SUGCT: variants seen among roughly 807,000 people sequenced by gnomAD.
The protein encoded by SUGCT is succinyl-CoA:glutarate-CoA transferase.
Under a neutral mutation model 55.0 loss-of-function variants are expected in SUGCT, and 41 were observed. The observed-to-expected ratio is 0.74, with a 90% CI of 0.58 to 0.97. The LOEUF (loss-of-function observed/expected upper bound fraction) is 0.97. Ranked by LOEUF, SUGCT falls within the 50% of genes least tolerant of loss-of-function variation. SUGCT has a pLI of 0.00. For synonymous variants in SUGCT, 187 were observed against 200.4 expected, an observed-to-expected ratio of 0.93 and a Z score of 0.56; for missense variants, 568 against 547.8, an observed-to-expected ratio of 1.04 and a Z score of -0.37.
intron 7 of SUGCT, among the ~76,000 whole-genome samples, chr7:40,252,669 A>G (rs939658546): frequency 4.6e-5 from 7 of 151,984 alleles, no homozygotes; most frequent in Non-Finnish European, 1.0e-4. Flanking sequence ...ATTTTTTGAA[A>G]TAGGGTCTTG....
At chr7:40,351,574 G>T (rs1797635130) in intron 9 of SUGCT, among the ~76,000 whole-genome samples, 1 of 151,982 alleles carries the variant, frequency 6.6e-6, no homozygotes, top group South Asian at 2.1e-4. Context: ...ATACCTTTTT[G>T]GGTTAGGTAA....
rs145015120 is a variant in SUGCT, at chr7:40,662,427, T to G, written c.1090-87007T>G. ...CTCTGCTTAGAATCATCCAATCGCT[T>G]TTATTATCATAGGCTTCAAGGTCTA... On this transcript the variant is annotated intron_variant, in intron 12 of 13. Coordinates refer to ENST00000335693, the MANE Select transcript of SUGCT (RefSeq NM_001193313.2). Among the ~76,000 whole-genome samples, 423 of 152,326 alleles carry G rather than the reference T, an allele frequency of 2.8e-3. 4 individuals are homozygous for G. The highest frequency in any genetic ancestry group is 9.3e-3 in the African/African-American group (387 of 41,566).
the SUGCT span, among the ~76,000 whole-genome samples, chr7:40,928,487 T>C: frequency 6.6e-6 from 1 of 152,280 alleles, no homozygotes; most frequent in South Asian, 2.1e-4. Flanking sequence ...TTTCCATTTA[T>C]AATATTTTTA....
At chr7:40,375,121 G>A (rs1012392547) in intron 9 of SUGCT, among the ~76,000 whole-genome samples, 2 of 152,178 alleles carry the variant, frequency 1.3e-5, no homozygotes, top group African/African-American at 2.4e-5. Flanking sequence ...ACAAAGCTAC[G>A]TGTTCTGAGC....
Position 40,768,304 on chromosome 7 carries a change from G to A in SUGCT, c.1153+18807G>A, listed in dbSNP as rs143705349. The stretch of plus-strand genomic sequence containing the variant: ...GGCTGCTCAAGGAGGGTTCACAGCA[G>A]CAATCTGCAGGAAGCCTCGGCTGCT... On this transcript the variant is annotated intron_variant, in intron 13 of 13. Coordinates refer to ENST00000335693, the MANE Select transcript of SUGCT (RefSeq NM_001193313.2). 1.9e-3 allele frequency among the ~76,000 whole-genome samples: 294 copies of A among 152,230 alleles called. 3 individuals are homozygous for A. In the East Asian group the frequency reaches 0.024, roughly 13 times the overall value.
At chr7:40,469,064 T>C (rs571517170) in intron 11 of SUGCT, among the ~76,000 whole-genome samples, 1 of 152,324 alleles carries the variant, frequency 6.6e-6, no homozygotes, top group Non-Finnish European at 1.5e-5. Flanking sequence ...CTCCCATATC[T>C]ACATGTTTTT....
chr7:40,832,434 T>C (rs1270762598), intron 13 of SUGCT, among the ~76,000 whole-genome samples: 1 of 151,968 alleles, frequency 6.6e-6, no homozygotes, highest in African/African-American at 2.4e-5. Flanking sequence ...ATAGGACACA[T>C]GTTCTCCCAA....
chr7:40,289,578 C>T (rs886731539), intron 8 of SUGCT, among the ~76,000 whole-genome samples: 10 of 152,034 alleles, frequency 6.6e-5, no homozygotes, highest in African/African-American at 2.4e-4. Context: ...GGAAGCATTC[C>T]CTTTGAAAAC....
chr7:41,033,607 G>A, the SUGCT span, among the ~76,000 whole-genome samples: 1 of 152,164 alleles, frequency 6.6e-6, no homozygotes, highest in Admixed American at 6.5e-5. Flanking sequence ...GGAGGGAGGG[G>A]ATGGGAGGTA....
intron 9 of SUGCT, among the ~76,000 whole-genome samples, chr7:40,329,641 A>T (rs1796206029): frequency 6.6e-6 from 1 of 152,146 alleles, no homozygotes; most frequent in Non-Finnish European, 1.5e-5. Flanking sequence ...TGGAAGTTAG[A>T]AGTAATAGAT....
intron 12 of SUGCT, among the ~76,000 whole-genome samples, chr7:40,593,339 G>C (rs1797830162): frequency 6.6e-6 from 1 of 152,158 alleles, no homozygotes; most frequent in Non-Finnish European, 1.5e-5. Context: ...TGCCAGAGAG[G>C]TAGGCATGGT....
At chr7:40,735,604 C>T (rs1048337604) in intron 12 of SUGCT, among the ~76,000 whole-genome samples, 46 of 152,052 alleles carry the variant, frequency 3.0e-4, no homozygotes, top group African/African-American at 1.1e-3. Context: ...TACAAGAATC[C>T]TGAAGTCCAC....
chr7:40,265,525 A>C lies in SUGCT; in HGVS notation c.577-8988A>C, dbSNP rs745942000. Among the ~76,000 whole-genome samples the C allele has an allele frequency of 1.4e-4, 22 of 151,974 alleles. 1 individual carries two copies. Among genetic ancestry groups the C allele is most frequent in the Admixed American group, 6.6e-5 (1 of 15,244 alleles). ...TTTTTCTTTCCCTGTTTCATTTGGC[A>C]AGCTCTGAATGTAGTGGGAAGAGCA... On this transcript the variant is annotated intron_variant, in intron 7 of 13. Transcript: ENST00000335693.
chr7:40,513,444 T>C (rs1793055119), intron 12 of SUGCT, among the ~76,000 whole-genome samples: 1 of 152,148 alleles, frequency 6.6e-6, no homozygotes, highest in East Asian at 1.9e-4. Context: ...TTTTTGGCCA[T>C]TTAGGATCAT....
chr7:40,455,256 G>T (rs1789417930), intron 10 of SUGCT, among the ~76,000 whole-genome samples: 1 of 152,060 alleles, frequency 6.6e-6, no homozygotes, highest in African/African-American at 2.4e-5. Context: ...ATCAAAATAG[G>T]TAAGTGTAAT....
intron 12 of SUGCT, among the ~76,000 whole-genome samples, chr7:40,709,820 C>T (rs777851335): frequency 6.6e-6 from 1 of 152,208 alleles, no homozygotes; most frequent in South Asian, 2.1e-4. Flanking sequence ...ACTTAAACTA[C>T]ATACATATTG....
intron 9 of SUGCT, among the ~76,000 whole-genome samples, chr7:40,445,400 G>A (rs1420178810): frequency 6.6e-6 from 1 of 152,136 alleles, no homozygotes; most frequent in African/African-American, 2.4e-5. Context: ...AAATCTAGTA[G>A]AAATGGATAA....
chr7:40,265,279 TG>T (rs1342900671), intron 7 of SUGCT, among the ~76,000 whole-genome samples: 2 of 152,336 alleles, frequency 1.3e-5, no homozygotes, highest in Non-Finnish European at 2.9e-5. Flanking sequence ...ACACTTTTGT[TG>T]TTTTATGAAG....
chr7:40,751,113 G>A (rs1341816502), intron 13 of SUGCT, among the ~76,000 whole-genome samples: 5 of 152,178 alleles, frequency 3.3e-5, no homozygotes, highest in South Asian at 4.1e-4. Flanking sequence ...TTAGGTGATC[G>A]AAGAAAGTCT....
Sources: allele counts gnomAD v4.1 joint callset (sites outside exome capture counted in the v4.1 genomes callset), GRCh38; gene constraint gnomAD v4.1.1; transcripts MANE v1.5; gene names NCBI Gene and HGNC (gene_info 2026-07-23, HGNC 2026-07-21).